Variants in PDE3B observed in about 807,000 individuals in gnomAD.
The protein encoded by PDE3B is cGMP-inhibited 3',5'-cyclic phosphodiesterase 3B.
In PDE3B, 66 loss-of-function variants were observed where a neutral mutation model predicts 116.8. The observed-to-expected ratio is 0.56, with a 90% CI of 0.46 to 0.69. The LOEUF (loss-of-function observed/expected upper bound fraction) is 0.69, where lower values mean the gene tolerates loss of function less well. PDE3B is among the 30% of genes least tolerant of loss of function. The pLI, the probability that PDE3B is intolerant of heterozygous loss-of-function variation, is 0.00. For missense variants in PDE3B, 1,384 were observed against 1,368.1 expected, an observed-to-expected ratio of 1.01 and a Z score of -0.18; for synonymous variants, 595 against 533.6, an observed-to-expected ratio of 1.12 and a Z score of -1.59.
chr11:14,644,936 T>A lies in PDE3B; in HGVS notation c.861T>A (p.Pro287=), dbSNP rs778904186. ...CCAGTGCCGCCGAAGAAAAAGTGCCTGTGATCCGACCCCGGAGGAGGTCCA... is the reference window on the plus strand; with the variant it reads ...CCAGTGCCGCCGAAGAAAAAGTGCCAGTGATCCGACCCCGGAGGAGGTCCA... ...RLSSAAEEKV[P]VIRPRRRSSC... Residue 287 remains proline, a synonymous_variant, in exon 1 of 16, where the codon CCT becomes CCA. Coordinates refer to ENST00000282096, the MANE Select transcript of PDE3B (RefSeq NM_000922.4). The A allele has an allele frequency of 1.2e-6, 2 of 1,614,078 alleles. No individual in the cohort carries two copies. The highest frequency in any genetic ancestry group is 4.5e-5 in the East Asian group (2 of 44,870).
At chr11:14,757,584 G>A (rs1158578040) in intron 1 of PDE3B, among the ~76,000 whole-genome samples, 1 of 106,682 alleles carries the variant, frequency 9.4e-6, no homozygotes, top group Non-Finnish European at 1.9e-5. Flanking sequence ...TGTGTTTTTT[G>A]GCTGCATAAA....
Position 14,813,133 on chromosome 11 carries a change from C to G in PDE3B, c.1523-5050C>G, listed in dbSNP as rs915583972. Among the ~76,000 whole-genome samples, 3 of 152,278 alleles carry G rather than the reference C, an allele frequency of 2.0e-5. No individual in the cohort carries two copies. In the East Asian group the frequency reaches 5.8e-4, roughly 29 times the overall value. On this transcript the variant is annotated intron_variant, in intron 5 of 15. Transcript: ENST00000282096. ...TTCTCTTATTTATAAAATACCTAGT[C>G]TATGGTATTTTGTTATAGCAATCCA... is the stretch of plus-strand genomic sequence containing the variant.
intron 1 of PDE3B, among the ~76,000 whole-genome samples, chr11:14,675,860 T>G (rs1854517172): frequency 6.6e-6 from 1 of 152,190 alleles, no homozygotes; most frequent in Admixed American, 6.5e-5. Flanking sequence ...CTTGTGCAAG[T>G]CTTTTTTGTG....
chr11:14,681,375 G>T (rs886287276), intron 1 of PDE3B, among the ~76,000 whole-genome samples: 2 of 152,070 alleles, frequency 1.3e-5, no homozygotes, highest in Admixed American at 6.5e-5. Flanking sequence ...TTGAATTGTG[G>T]GGGAGGGTCT....
chr11:14,739,575 C>A (rs545004688), intron 1 of PDE3B, among the ~76,000 whole-genome samples: 1 of 152,240 alleles, frequency 6.6e-6, no homozygotes, highest in Admixed American at 6.5e-5. Context: ...TCCTTTCTTC[C>A]TATTTGAATA....
At chr11:14,862,408 A>G (rs1847967962) in intron 14 of PDE3B, among the ~76,000 whole-genome samples, 1 of 152,196 alleles carries the variant, frequency 6.6e-6, no homozygotes, top group Non-Finnish European at 1.5e-5. Context: ...GGGTGTGCTC[A>G]GAATATATTT....
the PDE3B span, chr11:14,891,242 G>C: frequency 1.0e-6 from 1 of 984,810 alleles, no homozygotes; most frequent in East Asian, 1.1e-4. Flanking sequence ...GCGAAGTACC[G>C]ACCTCACCGG....
chr11:14,827,148 A>G (rs901706780), intron 7 of PDE3B, among the ~76,000 whole-genome samples: 1 of 152,226 alleles, frequency 6.6e-6, no homozygotes, highest in African/African-American at 2.4e-5. Context: ...TCAATAAACT[A>G]GGTATTGAAG....
chr11:14,655,359 A>G (rs1175350558), intron 1 of PDE3B, among the ~76,000 whole-genome samples: 2 of 152,178 alleles, frequency 1.3e-5, no homozygotes, highest in Non-Finnish European at 2.9e-5. Flanking sequence ...ACACACACAT[A>G]TAATTATTTC....
the PDE3B span, chr11:14,890,476 G>T: frequency 2.1e-6 from 2 of 973,868 alleles, no homozygotes; most frequent in Non-Finnish European, 1.2e-6. Flanking sequence ...TAAACTATTC[G>T]TGAACCATGA....
chr11:14,770,441 A>G (rs1857607152), intron 1 of PDE3B, among the ~76,000 whole-genome samples: 2 of 151,570 alleles, frequency 1.3e-5, no homozygotes. Context: ...TCATAACAAT[A>G]TCATGTATAA....
chr11:14,761,903 A>G (rs1857369308), intron 1 of PDE3B, among the ~76,000 whole-genome samples: 1 of 152,190 alleles, frequency 6.6e-6, no homozygotes, highest in Non-Finnish European at 1.5e-5. Flanking sequence ...TTCTGAATAT[A>G]AATTGAGTTT....
At chr11:14,677,601 A>G (rs1854568870) in intron 1 of PDE3B, among the ~76,000 whole-genome samples, 1 of 152,136 alleles carries the variant, frequency 6.6e-6, no homozygotes, top group Admixed American at 6.5e-5. Flanking sequence ...TTTTACCATG[A>G]GTATAGATTT....
At chr11:14,727,210 A>G (rs1856333352) in intron 1 of PDE3B, among the ~76,000 whole-genome samples, 1 of 152,148 alleles carries the variant, frequency 6.6e-6, no homozygotes, top group Non-Finnish European at 1.5e-5. Context: ...TTATATAACT[A>G]TCATAGATGA....
At position 14,810,276 on chromosome 11, in the gene PDE3B, C is replaced by T. The variant is rs569512376; in HGVS notation, c.1522+6226C>T. ...TGGTGCGCTGCACCCACTAACTCGT[C>T]ATCTAGCATTAGGCATATCTCCCAA... On this transcript the variant is annotated intron_variant, in intron 5 of 15. Coordinates refer to ENST00000282096, the MANE Select transcript of PDE3B (RefSeq NM_000922.4). Among the ~76,000 whole-genome samples, 206 of 151,412 alleles carry T rather than the reference C, an allele frequency of 1.4e-3. 1 individual carries two copies. Among genetic ancestry groups the T allele is most frequent in the African/African-American group, 4.6e-3 (190 of 41,262 alleles).
intron 11 of PDE3B, among the ~76,000 whole-genome samples, chr11:14,838,000 A>G (rs1860108602): frequency 2.7e-5 from 4 of 150,388 alleles, no homozygotes; most frequent in Admixed American, 2.7e-4. Context: ...TTTTTTTGAG[A>G]CGGAGTCTCA....
intron 12 of PDE3B, among the ~76,000 whole-genome samples, chr11:14,858,142 G>A (rs1847882955): frequency 6.6e-6 from 1 of 152,142 alleles, no homozygotes; most frequent in Non-Finnish European, 1.5e-5. Context: ...ATTCAATTAA[G>A]CTCTCAGAAT....
chr11:14,757,536 C>T (rs1331080216), intron 1 of PDE3B, among the ~76,000 whole-genome samples: 1 of 147,256 alleles, frequency 6.8e-6, no homozygotes, highest in Non-Finnish European at 1.5e-5. Context: ...TTTTGATTTG[C>T]ATTTCTCTGA....
chr11:14,822,837 G>T (rs1859564399), intron 7 of PDE3B, among the ~76,000 whole-genome samples: 1 of 152,212 alleles, frequency 6.6e-6, no homozygotes, highest in South Asian at 2.1e-4. Context: ...ACAGCACCTT[G>T]CAGGATAAGA....
Sources: gnomAD v4.1 joint callset for allele counts (sites outside exome capture counted in the v4.1 genomes callset) on GRCh38, gnomAD v4.1.1 for gene constraint, MANE v1.5 for transcripts, NCBI Gene and HGNC (gene_info 2026-07-23, HGNC 2026-07-21) for gene names.